ADAM32: variants seen among roughly 807,000 people sequenced by gnomAD.
ADAM32 encodes the protein ADAM metallopeptidase domain 32, also known as disintegrin and metalloproteinase domain-containing protein 32.
Under a neutral mutation model 114.9 loss-of-function variants are expected in ADAM32, and 89 were observed. The ratio of observed to expected loss-of-function variants is 0.77; its 90% confidence interval spans 0.65 to 0.92. The LOEUF (loss-of-function observed/expected upper bound fraction) is 0.92, where lower values mean the gene tolerates loss of function less well. Among genes scored for constraint, ADAM32 ranks in the 40% least tolerant of loss-of-function variants. The pLI is 0.00. For synonymous variants in ADAM32, 285 were observed against 307.5 expected, an observed-to-expected ratio of 0.93 and a Z score of 0.77; for missense variants, 870 against 932.8, an observed-to-expected ratio of 0.93 and a Z score of 0.88.
At chr8:39,254,675 T>G (rs1417892002) in intron 18 of ADAM32, among the ~76,000 whole-genome samples, 159 bp downstream of exon 18, 1 of 151,808 alleles carries the variant, frequency 6.6e-6, no homozygotes, top group Non-Finnish European at 1.5e-5. Context: ...CATGCCATCT[T>G]AATCTTGCTC....
intron 12 of ADAM32, among the ~76,000 whole-genome samples, chr8:39,214,529 C>T (rs779515509): frequency 1.3e-5 from 2 of 151,928 alleles, no homozygotes; most frequent in Admixed American, 1.3e-4. Context: ...ACCTTTAAAT[C>T]AGATTATTAG....
intron 12 of ADAM32, among the ~76,000 whole-genome samples, chr8:39,212,216 G>A (rs529603218): frequency 1.1e-4 from 17 of 152,064 alleles, no homozygotes; most frequent in Non-Finnish European, 1.6e-4. Context: ...GTTTCATCAC[G>A]TTGGTCAGGC....
intron 10 of ADAM32, among the ~76,000 whole-genome samples, chr8:39,180,254 C>T (rs1379743206): frequency 6.6e-6 from 1 of 152,228 alleles, no homozygotes; most frequent in Admixed American, 6.5e-5. Flanking sequence ...GGGCTTAGCA[C>T]CTGGGCCAGC....
chr8:39,180,056 C>A (rs1805755546), intron 10 of ADAM32, among the ~76,000 whole-genome samples: 1 of 152,290 alleles, frequency 6.6e-6, no homozygotes, highest in Admixed American at 6.5e-5. Context: ...CTGTGGGAGC[C>A]CCTTTCTGGG....
chr8:39,229,048 A>C (rs938026204), intron 14 of ADAM32, among the ~76,000 whole-genome samples: 27 of 152,164 alleles, frequency 1.8e-4, no homozygotes, highest in Non-Finnish European at 1.2e-4. Context: ...AGACAAAACA[A>C]TTATCAGCCA....
chr8:39,283,770 TC>T, intron 24 of ADAM32, 146 bp downstream of exon 24: 37 of 459,954 alleles, frequency 8.0e-5, no homozygotes, highest in Admixed American at 1.5e-4. Context: ...TTTCTTTTAT[TC>T]TTTTTTTTTT....
chr8:39,208,647 A>G (rs1232185996), intron 11 of ADAM32, among the ~76,000 whole-genome samples: 2 of 152,068 alleles, frequency 1.3e-5, no homozygotes, highest in African/African-American at 4.8e-5. Flanking sequence ...ATTTTTAAGG[A>G]TAGTTTTCCT....
intron 19 of ADAM32, among the ~76,000 whole-genome samples, chr8:39,257,593 T>A (rs1392931805): frequency 1.2e-5 from 1 of 80,038 alleles, no homozygotes; most frequent in Non-Finnish European, 2.6e-5. Flanking sequence ...GTCAAATGTT[T>A]ACGTAATATC....
At chr8:39,282,915 T>C (rs1044704935) in intron 23 of ADAM32, among the ~76,000 whole-genome samples, 10 of 152,136 alleles carry the variant, frequency 6.6e-5, no homozygotes, top group African/African-American at 2.4e-4. Flanking sequence ...CAACAGTAAG[T>C]TTTGAAGATA....
intron 11 of ADAM32, among the ~76,000 whole-genome samples, chr8:39,207,223 C>A (rs1349911285): frequency 6.6e-6 from 1 of 152,092 alleles, no homozygotes; most frequent in African/African-American, 2.4e-5. Context: ...CCAGTGCTTG[C>A]TCTTAGAACC....
intron 16 of ADAM32, among the ~76,000 whole-genome samples, chr8:39,236,081 G>A (rs1233584606): frequency 1.3e-5 from 2 of 152,148 alleles, no homozygotes; most frequent in Non-Finnish European, 2.9e-5. Flanking sequence ...AAATAATGGA[G>A]TTGGGAATAT....
At chr8:39,207,526 C>A (rs1354903982) in intron 11 of ADAM32, among the ~76,000 whole-genome samples, 5 of 152,100 alleles carry the variant, frequency 3.3e-5, no homozygotes, top group African/African-American at 7.2e-5. Context: ...CCATATCCAT[C>A]ACTATAAACA....
intron 24 of ADAM32, among the ~76,000 whole-genome samples, chr8:39,284,056 G>T (rs1184385529): frequency 2.0e-5 from 3 of 152,152 alleles, no homozygotes; most frequent in Non-Finnish European, 4.4e-5. Context: ...TTACAGGCGT[G>T]AGCCATCATG....
chr8:39,202,440 G>A (rs1807490518), intron 11 of ADAM32, among the ~76,000 whole-genome samples: 2 of 152,142 alleles, frequency 1.3e-5, no homozygotes, highest in African/African-American at 4.8e-5. Context: ...ATTCTCTGAT[G>A]TTAGTTTGTA....
chr8:39,110,935 C>T (rs1250463968), intron 1 of ADAM32, among the ~76,000 whole-genome samples: 1 of 152,218 alleles, frequency 6.6e-6, no homozygotes, highest in African/African-American at 2.4e-5. Flanking sequence ...ATTTATCTGG[C>T]AGCCACTGTC....
chr8:39,233,759 A>T, intron 15 of ADAM32, 140 bp from the exon 16 acceptor site: 2 of 525,600 alleles, frequency 3.8e-6, no homozygotes, highest in Non-Finnish European at 3.0e-6. Context: ...TTACTTTGTT[A>T]CCGTGAAAAC....
Position 39,234,212 on chromosome 8 carries a change from C to CT in ADAM32, c.1818+132dup, listed in dbSNP as rs142494349. On this transcript the variant is annotated intron_variant, in intron 16 of 24. Coordinates refer to ENST00000379907, the MANE Select transcript of ADAM32 (RefSeq NM_145004.7). ...AATGTTTGGAGGCAAAATGAATGATCTTAAATTAGTCTCCAAATAGTAAGA... is the reference window on the plus strand; with the variant it reads ...AATGTTTGGAGGCAAAATGAATGATCTTTAAATTAGTCTCCAAATAGTAAGA... 5,395 of 694,030 alleles carry CT rather than the reference C, an allele frequency of 7.8e-3. 257 individuals are homozygous for CT. The African/African-American group carries it at 0.092, about 12-fold the overall frequency. The allele number at this position is 694,030 out of a possible 1,614,324, so 43.0% of individuals were successfully genotyped here. A position where few individuals can be genotyped will look rare whatever the true frequency, so the allele number is the denominator to read the frequency against.
chr8:39,217,057 G>T (rs1485523728), intron 12 of ADAM32, among the ~76,000 whole-genome samples: 1 of 151,498 alleles, frequency 6.6e-6, no homozygotes, highest in Non-Finnish European at 1.5e-5. Context: ...AAATCCCTCA[G>T]CTTTTGTTTC....
Position 39,151,503 on chromosome 8 carries a change from C to G in ADAM32, c.480C>G (p.Ser160Arg), listed in dbSNP as rs781190970. ...DNDIAIFIDR[S>R]LKEQPMDDNI... Reference sequence around the variant, plus strand: ...ATATTGCAATTTTTATTGACAGAAGCCTGAAAGAACAACCAATGGATGACA... The same window carrying G: ...ATATTGCAATTTTTATTGACAGAAGGCTGAAAGAACAACCAATGGATGACA... The change falls in exon 6 of 25, where the codon AGC becomes AGG. Residue 160 changes from serine to arginine, a missense_variant. Physicochemically the swap from Ser to Arg is moderately radical, Grantham distance 110. Transcript: ENST00000379907. The G allele has an allele frequency of 5.0e-6, 8 of 1,592,596 alleles. No homozygotes were observed. Among genetic ancestry groups the G allele is most frequent in the Middle Eastern group, 1.7e-4 (1 of 5,998 alleles).
Sources: allele counts gnomAD v4.1 joint callset (sites outside exome capture counted in the v4.1 genomes callset), GRCh38; gene constraint gnomAD v4.1.1; transcripts MANE v1.5; gene names NCBI Gene and HGNC (gene_info 2026-07-23, HGNC 2026-07-21).